The following CDH23 variants were observed in gnomAD, a reference collection of about 807,000 sequenced individuals.
The protein encoded by CDH23 is cadherin-23.
CDH23 carries 189 observed loss-of-function variants against 317.1 expected under a neutral mutation model. The observed-to-expected ratio is 0.60, with a 90% CI of 0.53 to 0.67. The LOEUF (loss-of-function observed/expected upper bound fraction) is 0.67, where lower values mean the gene tolerates loss of function less well. Ranked by LOEUF, CDH23 falls within the 30% of genes least tolerant of loss-of-function variation. The probability of loss-of-function intolerance (pLI) is 0.00; values close to 1 mark genes in which losing one functional copy is unlikely to be tolerated. For synonymous variants in CDH23, 1,839 were observed against 1,876.8 expected (o/e 0.98, Z 0.52); for missense variants, 4,401 against 4,592.4 (o/e 0.96, Z 1.20).
chr10:71,778,282 T>C lies in CDH23; in HGVS notation c.5161T>C (p.Ser1721Pro), dbSNP rs78119792. ...VTATDQCPIL[S>P]HRLTSTTTVL... ...TGCCACAGACCAGTGCCCCATCTTA[T>C]CCCACCGCCTCACCTCTACCACCAC... Residue 1721 changes from serine (S) to proline (P), a missense_variant, in exon 40 of 70, where the codon TCC becomes CCC. By Grantham distance (74) the Ser-to-Pro change is moderately conservative. Coordinates refer to ENST00000224721, the MANE Select transcript of CDH23 (RefSeq NM_022124.6). The C allele has an allele frequency of 6.2e-7, 1 of 1,613,740 alleles. No homozygotes were observed. Among genetic ancestry groups the C allele is most frequent in the African/African-American group, 1.3e-5 (1 of 74,858 alleles).
At chr10:71,408,974 C>T (rs1158018020) in intron 1 of CDH23, among the ~76,000 whole-genome samples, 2 of 152,220 alleles carry the variant, frequency 1.3e-5, no homozygotes, top group African/African-American at 4.8e-5. Flanking sequence ...TGTGCATGTG[C>T]ATGCATTGGC....
At chr10:71,438,641 T>G (rs1849732613) in intron 1 of CDH23, among the ~76,000 whole-genome samples, 1 of 152,098 alleles carries the variant, frequency 6.6e-6, no homozygotes, top group Non-Finnish European at 1.5e-5. Context: ...TTGGCAGAGA[T>G]GTGGAAGTCT....
intron 9 of CDH23, among the ~76,000 whole-genome samples, chr10:71,596,610 G>T (rs934168454): frequency 6.6e-6 from 1 of 152,108 alleles, no homozygotes; most frequent in Non-Finnish European, 1.5e-5. Flanking sequence ...TCCCTTCCAC[G>T]CCAGGACCCC....
chr10:71,645,856 A>C lies in CDH23; in HGVS notation c.1166A>C (p.Tyr389Ser), dbSNP rs1564706896. Residue 389 changes from tyrosine (Y) to serine (S), a missense_variant, in exon 13 of 70, where the codon TAC (tyrosine) becomes TCC (serine). This residue lies in a region of CDH23 where 3,068 missense variants were observed against 3,203.3 expected (regional missense o/e 0.96). Transcript: ENST00000224721. Reference sequence around the variant, plus strand: ...GGCCTGAACAGCATGTTTGAGGTGTACTTGGTGGGGAACAACTCCCACCAC... The same window carrying C: ...GGCCTGAACAGCATGTTTGAGGTGTCCTTGGTGGGGAACAACTCCCACCAC... The part of the protein sequence containing the change: ...NLGLNSMFEV[Y>S]LVGNNSHHFI... The C allele has an allele frequency of 6.2e-7, 1 of 1,612,652 alleles. No homozygotes were observed. Among genetic ancestry groups the C allele is most frequent in the Admixed American group, 1.7e-5 (1 of 59,966 alleles).
At chr10:71,475,170 G>A (rs1048152449) in intron 3 of CDH23, among the ~76,000 whole-genome samples, 1 of 152,164 alleles carries the variant, frequency 6.6e-6, no homozygotes, top group Non-Finnish European at 1.5e-5. Flanking sequence ...TTCTGGGCCA[G>A]TGTGGCTCTC....
At chr10:71,756,010 C>T (rs1589399869) in intron 38 of CDH23, among the ~76,000 whole-genome samples, 1 of 152,260 alleles carries the variant, frequency 6.6e-6, no homozygotes, top group East Asian at 1.9e-4. Context: ...CCCAACTCAT[C>T]CCAGAGACTC....
intron 14 of CDH23, among the ~76,000 whole-genome samples, 191 bp from the exon 15 acceptor site, chr10:71,674,921 C>T (rs987707387): frequency 6.6e-6 from 1 of 152,210 alleles, no homozygotes; most frequent in Non-Finnish European, 1.5e-5. Context: ...AGGCCAGTTT[C>T]TGTCCCACTC....
At chr10:71,764,720 T>C (rs962108362) in intron 38 of CDH23, among the ~76,000 whole-genome samples, 1 of 152,238 alleles carries the variant, frequency 6.6e-6, no homozygotes, top group African/African-American at 2.4e-5. Flanking sequence ...CCGTGGTTTC[T>C]TGGTCCTGTG....
chr10:71,419,749 T>C (rs1333483644), intron 1 of CDH23, among the ~76,000 whole-genome samples: 2 of 152,232 alleles, frequency 1.3e-5, no homozygotes, highest in Non-Finnish European at 2.9e-5. Context: ...AGCAGCTCAC[T>C]TTACCTGTAA....
chr10:71,728,053 G>T (rs985080186), intron 30 of CDH23, among the ~76,000 whole-genome samples: 4 of 152,254 alleles, frequency 2.6e-5, no homozygotes, highest in Non-Finnish European at 5.9e-5. Context: ...GCCTGGCCCT[G>T]TTTTTTCCCC....
intron 6 of CDH23, among the ~76,000 whole-genome samples, chr10:71,517,045 G>A (rs1854371751): frequency 6.6e-6 from 1 of 152,230 alleles, no homozygotes. Flanking sequence ...TATGGACTGT[G>A]CTCAGTGTCT....
At chr10:71,631,979 G>A (rs1384748362) in intron 11 of CDH23, among the ~76,000 whole-genome samples, 1 of 152,232 alleles carries the variant, frequency 6.6e-6, no homozygotes, top group African/African-American at 2.4e-5. Context: ...GGCTGGGGGT[G>A]GGAGAGGAGT....
At position 71,799,721 on chromosome 10, in the gene CDH23, T is replaced by C. The variant is rs1589428894; in HGVS notation, c.7362+92T>C. On this transcript the variant is annotated intron_variant, in intron 52 of 69. Transcript: ENST00000224721. ...ACCAAAAGTATTGTAGTAATCCCTC[T>C]GGGTCTTGTCGCCTGGACATCTGCA... 2.2e-5 allele frequency: 34 copies of C among 1,561,006 alleles called. 1 individual carries two copies. The South Asian group carries it at 3.2e-4, about 14-fold the overall frequency.
intron 3 of CDH23, among the ~76,000 whole-genome samples, chr10:71,463,499 C>T (rs1170309715): frequency 6.6e-6 from 1 of 152,196 alleles, no homozygotes; most frequent in Non-Finnish European, 1.5e-5. Context: ...CTTCCTGCTC[C>T]AGAAGGCACC....
In CDH23 at chr10:71,732,419, C is replaced by T. The variant is rs1483809141; in HGVS notation, c.4104+44C>T. ...GGAGCACCATTTCTTCCAATCTAAC[C>T]AACATTGGTTGAGCTCCTTCTGTGT... On this transcript the variant is annotated intron_variant, in intron 32 of 69. Coordinates refer to ENST00000224721, the MANE Select transcript of CDH23 (RefSeq NM_022124.6). 1.3e-6 allele frequency: 2 copies of T among 1,550,402 alleles called. No homozygotes were observed. Among genetic ancestry groups the T allele is most frequent in the Non-Finnish European group, 1.7e-6 (2 of 1,146,662 alleles).
chr10:71,434,772 G>A (rs561267895), intron 1 of CDH23, among the ~76,000 whole-genome samples: 8 of 152,150 alleles, frequency 5.3e-5, no homozygotes, highest in Non-Finnish European at 1.2e-4. Context: ...AAGCAGTAGC[G>A]GGTGAGGAGG....
rs924738618 is a variant in CDH23, at chr10:71,751,961, A to G, written c.4845+10040A>G. The G allele has an allele frequency of 8.2e-6, 10 of 1,212,358 alleles. No homozygotes were observed. Among genetic ancestry groups the G allele is most frequent in the African/African-American group, 3.0e-5 (2 of 65,756 alleles). 75.1% of individuals were successfully genotyped at this position (1,212,358 alleles called of 1,614,324 possible). On this transcript the variant is annotated intron_variant, in intron 38 of 69. Coordinates refer to ENST00000224721, the MANE Select transcript of CDH23 (RefSeq NM_022124.6). This position sits in a 1 kb window ranked among gnomAD's most constrained non-coding sequence, Gnocchi z 4.9. ...TCTCTCCTCCCTTTCTCTCACCTACATCCCCATCCCCAAGCCTCAGCAGCA... is the reference window on the plus strand; with the variant it reads ...TCTCTCCTCCCTTTCTCTCACCTACGTCCCCATCCCCAAGCCTCAGCAGCA...
At chr10:71,685,354 C>T (rs938347600) in intron 18 of CDH23, among the ~76,000 whole-genome samples, 1 of 152,220 alleles carries the variant, frequency 6.6e-6, no homozygotes, top group African/African-American at 2.4e-5. Flanking sequence ...AAACCCCAGA[C>T]CTGTCCCAAC....
At chr10:71,403,144 C>G (rs4746083) in intron 1 of CDH23, among the ~76,000 whole-genome samples, 27,879 of 151,592 alleles carry the variant, frequency 0.18, 2,636 homozygotes, top group South Asian at 0.25. Context: ...AAACAAAAAA[C>G]AACAACCAAA....
Sources: allele counts gnomAD v4.1 joint callset (sites outside exome capture counted in the v4.1 genomes callset), GRCh38; gene constraint gnomAD v4.1.1; regional missense constraint gnomAD v4.1.1; non-coding constraint Gnocchi (gnomAD v3.1); transcripts MANE v1.5; gene names NCBI Gene and HGNC (gene_info 2026-07-23, HGNC 2026-07-21).